Variants in LRP6 observed in about 807,000 individuals in gnomAD.
The protein encoded by LRP6 is low-density lipoprotein receptor-related protein 6.
LRP6 carries 43 observed loss-of-function variants against 184.1 expected under a neutral mutation model. The observed-to-expected ratio is 0.23, with a 90% CI of 0.18 to 0.30. The LOEUF (loss-of-function observed/expected upper bound fraction) is 0.30. LRP6 is among the 10% of genes least tolerant of loss of function. LRP6 has a pLI of 1.00. For missense variants in LRP6, 1,571 were observed against 2,005.3 expected (o/e 0.78, Z 4.14); for synonymous variants, 719 against 684.9 (o/e 1.05, Z -0.78).
intron 15 of LRP6, 103 bp from the exon 16 acceptor site, chr12:12,138,637 G>C (rs1219494019): frequency 8.9e-7 from 1 of 1,117,784 alleles, no homozygotes; most frequent in Non-Finnish European, 1.3e-6. Flanking sequence ...GTAGAGAAAA[G>C]AAAAAAAAAA....
At chr12:12,258,586 G>T (rs377171660) in intron 1 of LRP6, among the ~76,000 whole-genome samples, 1 of 152,062 alleles carries the variant, frequency 6.6e-6, no homozygotes, top group Non-Finnish European at 1.5e-5. Flanking sequence ...CATATAAAGG[G>T]GAAAAAGGTC....
intron 2 of LRP6, among the ~76,000 whole-genome samples, chr12:12,222,134 T>C (rs910575716): frequency 9.9e-5 from 15 of 152,186 alleles, no homozygotes; most frequent in African/African-American, 3.1e-4. Context: ...CTGCTTAAAT[T>C]TTACTAAGCA....
At chr12:12,138,940 C>T in intron 15 of LRP6, 1 of 1,367,574 alleles carries the variant, frequency 7.3e-7, no homozygotes, top group Non-Finnish European at 9.8e-7. Context: ...CACCTGGCTT[C>T]TCAGAACACA....
intron 1 of LRP6, among the ~76,000 whole-genome samples, chr12:12,263,698 A>G (rs1055322528): frequency 9.9e-5 from 15 of 151,910 alleles, no homozygotes; most frequent in African/African-American, 3.1e-4. Context: ...GCCAAGTGTT[A>G]TGGCACACAA....
At chr12:12,165,020 T>C in intron 8 of LRP6, 59 bp downstream of exon 8, 1 of 1,248,218 alleles carries the variant, frequency 8.0e-7, no homozygotes, top group Non-Finnish European at 1.1e-6. Context: ...CACTGCTGAC[T>C]ATCTCCATCT....
chr12:12,190,625 C>T (rs750345816), intron 3 of LRP6, among the ~76,000 whole-genome samples: 2 of 152,190 alleles, frequency 1.3e-5, no homozygotes, highest in Non-Finnish European at 2.9e-5. Flanking sequence ...CTTTATAAAA[C>T]ACCTGCATGC....
chr12:12,162,171 A>AGT, intron 10 of LRP6, 22 bp downstream of exon 10: 1 of 1,589,598 alleles, frequency 6.3e-7, no homozygotes, highest in Non-Finnish European at 8.6e-7. Flanking sequence ...GTTGCAAAGA[A>AGT]TGCACATGTA....
chr12:12,168,976 C>G (rs1862957743), intron 7 of LRP6, among the ~76,000 whole-genome samples: 1 of 152,094 alleles, frequency 6.6e-6, no homozygotes, highest in Admixed American at 6.5e-5. Context: ...CACCTGTAAT[C>G]CCAGCACTTT....
Position 12,238,030 on chromosome 12 carries a change from T to C in LRP6, c.449+6232A>G, listed in dbSNP as rs79515585. Reference sequence around the variant, plus strand: ...GCTATGTACAATTTTTGCAACTTTTTTTCCAAGTCTAAAATTACTGATATA... The same window carrying C: ...GCTATGTACAATTTTTGCAACTTTTCTTCCAAGTCTAAAATTACTGATATA... On this transcript the variant is annotated intron_variant, in intron 2 of 22. Transcript: ENST00000261349. Among the ~76,000 whole-genome samples, 590 of 152,308 alleles carry C rather than the reference T, an allele frequency of 3.9e-3. 1 individual carries two copies. Among genetic ancestry groups the C allele is most frequent in the Middle Eastern group, 6.8e-3 (2 of 294 alleles).
At chr12:12,124,847 C>A (rs543508950) in intron 21 of LRP6, among the ~76,000 whole-genome samples, 185 bp from the exon 22 acceptor site, 1 of 152,088 alleles carries the variant, frequency 6.6e-6, no homozygotes, top group Non-Finnish European at 1.5e-5. Context: ...TCCCTAAGAC[C>A]TCATCATGGC....
At chr12:12,229,207 C>T (rs979513488) in intron 2 of LRP6, among the ~76,000 whole-genome samples, 4 of 152,004 alleles carry the variant, frequency 2.6e-5, no homozygotes, top group South Asian at 2.1e-4. Flanking sequence ...CCCATCTCTA[C>T]TAAAAACACA....
chr12:12,125,631 A>C (rs1449030182), intron 20 of LRP6, among the ~76,000 whole-genome samples, 199 bp from the exon 21 acceptor site: 1 of 152,176 alleles, frequency 6.6e-6, no homozygotes, highest in Non-Finnish European at 1.5e-5. Flanking sequence ...GCTTCCATTG[A>C]AAGAGCTGGC....
intron 1 of LRP6, among the ~76,000 whole-genome samples, chr12:12,253,670 G>A (rs999897866): frequency 4.7e-5 from 7 of 149,626 alleles, no homozygotes; most frequent in Admixed American, 2.7e-4. Flanking sequence ...TGAGACATGC[G>A]GTGTTTGGTT....
At chr12:12,163,474 A>G (rs1862792371) in intron 9 of LRP6, among the ~76,000 whole-genome samples, 1 of 151,962 alleles carries the variant, frequency 6.6e-6, no homozygotes, top group Non-Finnish European at 1.5e-5. Flanking sequence ...CTGGAAGAAG[A>G]AAAGATTATT....
chr12:12,145,982 G>C (rs538001068), intron 15 of LRP6, among the ~76,000 whole-genome samples: 1 of 152,028 alleles, frequency 6.6e-6, no homozygotes, highest in Non-Finnish European at 1.5e-5. Context: ...TGTATACACA[G>C]TGTATATACT....
chr12:12,243,402 C>CA (rs1865111163), intron 2 of LRP6, among the ~76,000 whole-genome samples: 1 of 151,750 alleles, frequency 6.6e-6, no homozygotes, highest in Non-Finnish European at 1.5e-5. Flanking sequence ...CAGAGTGTAA[C>CA]AAAAAAACAC....
chr12:12,233,263 C>G (rs1165061260), intron 2 of LRP6, among the ~76,000 whole-genome samples: 1 of 151,934 alleles, frequency 6.6e-6, no homozygotes, highest in African/African-American at 2.4e-5. Flanking sequence ...GTCAGGAGAT[C>G]GAGACCATCC....
At position 12,181,402 on chromosome 12, in the gene LRP6, G is replaced by T; in HGVS notation, c.1014C>A (p.Asp338Glu). 6.8e-7 allele frequency: 1 copy of T among 1,461,570 alleles called. No homozygotes were observed. The highest frequency in any genetic ancestry group is 9.6e-7 in the Non-Finnish European group (1 of 1,041,300). 90.5% of individuals were successfully genotyped at this position (1,461,570 alleles called of 1,614,324 possible). A position where few individuals can be genotyped will look rare whatever the true frequency, so the allele number is the denominator to read the frequency against. ...TELLLLARRT[D>E]LRRISLDTPD... ...GTGTATCCAAAGAAATGCGTCTCAA[G>T]TCTGTCCTTCGAGCTAAAAGCAATA... The change falls in exon 6 of 23, where the codon GAC (aspartate) becomes GAA (glutamate). Residue 338 changes from aspartate to glutamate, a missense_variant. Transcript: ENST00000261349.
At chr12:12,265,010 G>A (rs74061161) in intron 1 of LRP6, among the ~76,000 whole-genome samples, 28,768 of 152,026 alleles carry the variant, frequency 0.19, 3,310 homozygotes, top group African/African-American at 0.32. Context: ...TACATCACAC[G>A]CTTCTCCTCC....
Sources: allele counts gnomAD v4.1 joint callset (sites outside exome capture counted in the v4.1 genomes callset), GRCh38; gene constraint gnomAD v4.1.1; transcripts MANE v1.5; gene names NCBI Gene and HGNC (gene_info 2026-07-23, HGNC 2026-07-21).